The following VWA8 variants were observed in gnomAD, a reference collection of about 807,000 sequenced individuals.
VWA8 encodes the protein von Willebrand factor A domain containing 8, also known as von Willebrand factor A domain-containing protein 8.
VWA8 carries 221 observed loss-of-function variants against 241.5 expected under a neutral mutation model. That is an observed-to-expected ratio of 0.91 (90% CI 0.82 to 1.02). VWA8 has a LOEUF of 1.02. VWA8 is among the 50% of genes least tolerant of loss of function. VWA8 has a pLI of 0.00. For synonymous variants in VWA8, 852 were observed against 827.1 expected (o/e 1.03, Z -0.52); for missense variants, 2,322 against 2,328.7 (o/e 1.00, Z 0.06).
intron 4 of VWA8, among the ~76,000 whole-genome samples, chr13:41,896,338 A>C (rs1875107988): frequency 6.6e-6 from 1 of 152,180 alleles, no homozygotes; most frequent in Admixed American, 6.5e-5. Context: ...AGAAATCCAA[A>C]TGAATTTAAA....
intron 2 of VWA8, chr13:41,926,395 C>T (rs1051666392): frequency 3.7e-6 from 2 of 547,570 alleles, no homozygotes; most frequent in Non-Finnish European, 7.1e-6. Context: ...AAGATTGAAA[C>T]TCCCATGGTG....
chr13:41,933,630 C>A (rs1877222521), intron 2 of VWA8, among the ~76,000 whole-genome samples: 1 of 151,970 alleles, frequency 6.6e-6, no homozygotes, highest in Non-Finnish European at 1.5e-5. Flanking sequence ...ATCAATGGAA[C>A]AGAACAGAGT....
chr13:41,719,098 C>A (rs906763062), intron 26 of VWA8, among the ~76,000 whole-genome samples: 1 of 151,852 alleles, frequency 6.6e-6, no homozygotes, highest in African/African-American at 2.4e-5. Flanking sequence ...GAAATAAACC[C>A]ACTAGTTCTT....
At chr13:41,947,964 C>A (rs868219862) in intron 2 of VWA8, among the ~76,000 whole-genome samples, 8,510 of 76,136 alleles carry the variant, frequency 0.11, 1,322 homozygotes, top group East Asian at 0.14. Flanking sequence ...CAAAACAAAA[C>A]ATTTTGGTAA....
chr13:41,594,920 T>A (rs1185901765), intron 40 of VWA8, among the ~76,000 whole-genome samples: 1 of 152,198 alleles, frequency 6.6e-6, no homozygotes, highest in Admixed American at 6.5e-5. Flanking sequence ...GGGAAGAATT[T>A]GGGTTTAAAT....
chr13:41,680,360 G>A (rs986732892), intron 35 of VWA8, among the ~76,000 whole-genome samples: 7 of 152,046 alleles, frequency 4.6e-5, no homozygotes, highest in Non-Finnish European at 7.4e-5. Context: ...CCTGTGCATG[G>A]CTGTTACCCT....
At chr13:41,622,147 A>G (rs1259769242) in intron 37 of VWA8, among the ~76,000 whole-genome samples, 8 of 152,170 alleles carry the variant, frequency 5.3e-5, no homozygotes, top group Non-Finnish European at 1.0e-4. Flanking sequence ...GGAGGAGTAC[A>G]TATGTCAAGA....
chr13:41,597,009 C>A (rs2044493295), intron 40 of VWA8, among the ~76,000 whole-genome samples: 1 of 151,782 alleles, frequency 6.6e-6, no homozygotes, highest in Admixed American at 6.6e-5. Flanking sequence ...TATAATCAAG[C>A]CAATTTTATA....
At chr13:41,792,846 T>A (rs1869520724) in intron 17 of VWA8, among the ~76,000 whole-genome samples, 1 of 152,112 alleles carries the variant, frequency 6.6e-6, no homozygotes, top group Admixed American at 6.5e-5. Flanking sequence ...ATGAAATTTT[T>A]AAAAATTATA....
intron 2 of VWA8, among the ~76,000 whole-genome samples, chr13:41,913,996 C>T (rs370587274): frequency 6.6e-6 from 1 of 152,248 alleles, no homozygotes; most frequent in Admixed American, 6.5e-5. Flanking sequence ...AATCCCAGCA[C>T]TTTGGGAGGC....
chr13:41,768,200 G>A (rs1400530724), intron 20 of VWA8, among the ~76,000 whole-genome samples: 1 of 152,188 alleles, frequency 6.6e-6, no homozygotes, highest in Non-Finnish European at 1.5e-5. Flanking sequence ...CCAGCTGGGG[G>A]ACACAGGCAA....
intron 9 of VWA8, among the ~76,000 whole-genome samples, chr13:41,881,714 T>C: frequency 7.0e-6 from 1 of 143,824 alleles, no homozygotes; most frequent in South Asian, 2.3e-4. Context: ...ACGGGGCGGC[T>C]GGCCGGGCTG....
chr13:41,791,291 A>C (rs1408240415), intron 17 of VWA8, among the ~76,000 whole-genome samples: 2 of 151,928 alleles, frequency 1.3e-5, no homozygotes, highest in Non-Finnish European at 2.9e-5. Context: ...TCTAGTTGAA[A>C]GGGTCATGGA....
intron 43 of VWA8, among the ~76,000 whole-genome samples, chr13:41,573,506 T>TATATATATATATAC: frequency 7.1e-6 from 1 of 141,638 alleles, no homozygotes; most frequent in African/African-American, 2.7e-5. Flanking sequence ...TATATATATA[T>TATATATATATATAC]ACCTCTCTCT....
intron 38 of VWA8, among the ~76,000 whole-genome samples, chr13:41,613,604 C>T (rs989818540): frequency 6.6e-6 from 1 of 152,174 alleles, no homozygotes; most frequent in African/African-American, 2.4e-5. Context: ...GGGCCCCAGG[C>T]AAAGTCACAC....
In VWA8 at chr13:41,773,664, T is replaced by G. The variant is rs17062541; in HGVS notation, c.2349+4321A>C. ...AGATCTTAGCACAGATGTTACCTTATGAAAACACATTAGAAAGGAATTGAA... is the reference window on the plus strand; with the variant it reads ...AGATCTTAGCACAGATGTTACCTTAGGAAAACACATTAGAAAGGAATTGAA... On this transcript the variant is annotated intron_variant, in intron 20 of 44. Transcript: ENST00000379310. Among the ~76,000 whole-genome samples the G allele has an allele frequency of 3.6e-3, 547 of 152,304 alleles. 2 individuals carry two copies. Among genetic ancestry groups the G allele is most frequent in the African/African-American group, 0.012 (517 of 41,562 alleles).
Position 41,689,415 on chromosome 13 carries a change from T to C in VWA8, c.4070A>G (p.Asn1357Ser), listed in dbSNP as rs762191853. The change falls in exon 34 of 45, where the codon AAC becomes AGC. Residue 1357 changes from asparagine (N) to serine (S), a missense_variant. Transcript: ENST00000379310. ...ATTTTTCTCATCTGAGAGAATTCTG[T>C]TGGGAGAGGCAATCTTTTGTTCCAC... is the stretch of plus-strand genomic sequence containing the variant. ...SAVEQKIASPNRILSDEKNYA... is the reference protein window; with the variant it reads ...SAVEQKIASPSRILSDEKNYA... The C allele has an allele frequency of 9.3e-6, 15 of 1,612,226 alleles. No homozygotes were observed. The South Asian group carries it at 1.3e-4, about 14-fold the overall frequency.
chr13:41,857,367 C>T (rs1045433046), intron 12 of VWA8, among the ~76,000 whole-genome samples: 5 of 152,098 alleles, frequency 3.3e-5, no homozygotes, highest in African/African-American at 4.8e-5. Flanking sequence ...CCAGAAATGG[C>T]GATGTATTAC....
chr13:41,769,024 T>G (rs899824392), intron 20 of VWA8, among the ~76,000 whole-genome samples: 2 of 151,386 alleles, frequency 1.3e-5, no homozygotes, highest in Admixed American at 6.6e-5. Flanking sequence ...AACCTCAGCC[T>G]CCTGAGTAGC....
Sources: allele counts gnomAD v4.1 joint callset (sites outside exome capture counted in the v4.1 genomes callset), GRCh38; gene constraint gnomAD v4.1.1; transcripts MANE v1.5; gene names NCBI Gene and HGNC (gene_info 2026-07-23, HGNC 2026-07-21).